VPS13A: variants seen among roughly 807,000 people sequenced by gnomAD.
The protein encoded by VPS13A is vacuolar protein sorting 13 homolog A.
A neutral mutation model predicts 390.9 loss-of-function variants in VPS13A; 264 were observed. The ratio of observed to expected loss-of-function variants is 0.68; its 90% CI spans 0.61 to 0.75. The LOEUF is 0.75. VPS13A is among the 30% of genes least tolerant of loss of function. VPS13A has a pLI of 0.00. For missense variants in VPS13A, 3,409 were observed against 3,733.9 expected (o/e 0.91, Z 2.27); for synonymous variants, 1,231 against 1,227.1 (o/e 1.00, Z -0.07).
intron 68 of VPS13A, chr9:77,384,750 T>G: frequency 1.3e-6 from 2 of 1,543,348 alleles, no homozygotes; most frequent in Non-Finnish European, 1.7e-6. Flanking sequence ...TATACCATAA[T>G]GCCCATATGT....
Position 77,209,508 on chromosome 9 carries a change from T to C in VPS13A, c.471T>C (p.Ser157=), listed in dbSNP as rs772957048. 3.7e-6 allele frequency: 6 copies of C among 1,603,022 alleles called. No homozygotes were observed. The highest frequency in any genetic ancestry group is 5.1e-6 in the Non-Finnish European group (6 of 1,170,794). The change falls in exon 6 of 72, where the codon AGT becomes AGC. Residue 157 remains serine, a synonymous_variant. Transcript: ENST00000360280. ...AAAATCTTCAGGTGAAAATTTCCAG[T>C]ATCCATATTCGTTATGAAGATGATG... The part of the protein sequence containing the change: ...IIKNLQVKIS[S]IHIRYEDDIT...
At chr9:77,205,430 T>G in intron 4 of VPS13A, 22 bp downstream of exon 4, 1 of 1,175,838 alleles carries the variant, frequency 8.5e-7, no homozygotes. Context: ...TTAAAAAAAT[T>G]ATAATTTAAG....
At chr9:77,265,560 C>T (rs1384505465) in intron 23 of VPS13A, among the ~76,000 whole-genome samples, 1 of 152,138 alleles carries the variant, frequency 6.6e-6, no homozygotes, top group Non-Finnish European at 1.5e-5. Flanking sequence ...TCCATTTCTT[C>T]TAGATTTTTG....
At chr9:77,410,597 A>G (rs1253819940) in intron 71 of VPS13A, among the ~76,000 whole-genome samples, 1 of 152,226 alleles carries the variant, frequency 6.6e-6, no homozygotes, top group Non-Finnish European at 1.5e-5. Flanking sequence ...GGATGGAGGA[A>G]GATCTACCAA....
chr9:77,312,637 G>A (rs192164350), intron 35 of VPS13A, among the ~76,000 whole-genome samples: 22 of 152,052 alleles, frequency 1.4e-4, no homozygotes, highest in Admixed American at 1.1e-3. Context: ...GGATGGTCTC[G>A]ATCGCCTGAC....
chr9:77,417,553 A>G lies in VPS13A; in HGVS notation c.*1547A>G, dbSNP rs1284306279. 1 of 152,178 alleles carries G rather than the reference A, an allele frequency of 6.6e-6. No individual in the cohort carries two copies. Among genetic ancestry groups the G allele is most frequent in the East Asian group, 1.9e-4 (1 of 5,198 alleles). The allele number at this position is 152,178 out of a possible 1,614,324, so 9.4% of individuals were successfully genotyped here. A position where few individuals can be genotyped will look rare whatever the true frequency, so the allele number is the denominator to read the frequency against. ...CATGTTGACCTTTGTTTAAAAAAAA[A>G]AAAAAGTGCTTATTTTCTCTGTCGC... On this transcript the variant is annotated 3_prime_UTR_variant, in exon 72 of 72. Coordinates refer to ENST00000360280, the MANE Select transcript of VPS13A (RefSeq NM_033305.3).
intron 52 of VPS13A, among the ~76,000 whole-genome samples, chr9:77,346,792 A>G (rs1831181312): frequency 6.6e-6 from 1 of 152,214 alleles, no homozygotes; most frequent in African/African-American, 2.4e-5. Context: ...AAAGTACCAG[A>G]AAGAAGACTG....
At chr9:77,284,686 T>G (rs1238978309) in intron 31 of VPS13A, among the ~76,000 whole-genome samples, 1 of 152,092 alleles carries the variant, frequency 6.6e-6, no homozygotes, top group Non-Finnish European at 1.5e-5. Context: ...GATTTTTTTC[T>G]CTGTAATTTT....
rs777358325 is a variant in VPS13A at position 77,295,851 on chromosome 9, G to A, written c.3812+5G>A. The A allele has an allele frequency of 2.5e-6, 4 of 1,612,956 alleles. No homozygotes were observed. The East Asian group carries it at 8.9e-5, about 36-fold the overall frequency. ...GAGTGAAATGCGACTATACAGGTAA[G>A]CTTTTCACAAGTATATTTGTGTGGA... On this transcript the variant is annotated splice_donor_5th_base_variant and intron_variant, in intron 33 of 71. Coordinates refer to ENST00000360280, the MANE Select transcript of VPS13A (RefSeq NM_033305.3).
At chr9:77,330,166 C>T (rs529279320) in intron 45 of VPS13A, among the ~76,000 whole-genome samples, 1 of 151,662 alleles carries the variant, frequency 6.6e-6, no homozygotes, top group South Asian at 2.1e-4. Context: ...CATGTCTGCA[C>T]CACCATACCT....
intron 13 of VPS13A, among the ~76,000 whole-genome samples, chr9:77,225,634 A>G (rs1405894123): frequency 6.6e-6 from 1 of 152,196 alleles, no homozygotes; most frequent in African/African-American, 2.4e-5. Flanking sequence ...TAAACAATGC[A>G]TGTACATATT....
At chr9:77,370,185 A>T (rs1163720144) in intron 63 of VPS13A, 72 bp from the exon 64 acceptor site, 9 of 1,540,290 alleles carry the variant, frequency 5.8e-6, no homozygotes, top group East Asian at 2.3e-5. Flanking sequence ...CTTTCGTCGT[A>T]TATATCCGTA....
At chr9:77,296,885 A>C (rs889785840) in intron 33 of VPS13A, among the ~76,000 whole-genome samples, 9 of 152,054 alleles carry the variant, frequency 5.9e-5, no homozygotes, top group African/African-American at 1.9e-4. Context: ...ATCCTCCCTA[A>C]TTTCTTAAAA....
Position 77,351,307 on chromosome 9 carries a change from A to C in VPS13A, c.7290-10A>C, listed in dbSNP as rs777376932. ...ATTTAATTTAACGCGTATTTTTGCTACTGTGTCAGTTCTCTCAGTGAAATA... is the reference window on the plus strand; with the variant it reads ...ATTTAATTTAACGCGTATTTTTGCTCCTGTGTCAGTTCTCTCAGTGAAATA... On this transcript the variant is annotated splice_polypyrimidine_tract_variant and intron_variant, in intron 52 of 71. Transcript: ENST00000360280. 3 of 1,612,692 alleles carry C rather than the reference A, an allele frequency of 1.9e-6. No homozygotes were observed. Among genetic ancestry groups the C allele is most frequent in the Non-Finnish European group, 2.5e-6 (3 of 1,179,186 alleles).
intron 16 of VPS13A, 89 bp downstream of exon 16, chr9:77,227,574 C>A: frequency 9.7e-7 from 1 of 1,033,920 alleles, no homozygotes; most frequent in Non-Finnish European, 1.4e-6. Context: ...CCAGGCTGGA[C>A]TGCAGTGGTG....
chr9:77,360,645 A>G lies in VPS13A; in HGVS notation c.8211+4A>G. On this transcript the variant is annotated splice_donor_region_variant and intron_variant, in intron 59 of 71. Transcript: ENST00000360280. Reference sequence around the variant, plus strand: ...TGAGGTGACTGAAAATACAGAGGTAAGACTTAAAATAATAACATTTGATGG... The same window carrying G: ...TGAGGTGACTGAAAATACAGAGGTAGGACTTAAAATAATAACATTTGATGG... 1.3e-6 allele frequency: 2 copies of G among 1,590,892 alleles called. No individual in the cohort carries two copies. Among genetic ancestry groups the G allele is most frequent in the African/African-American group, 1.3e-5 (1 of 74,524 alleles).
intron 68 of VPS13A, among the ~76,000 whole-genome samples, chr9:77,388,903 A>G (rs1833796540): frequency 6.6e-6 from 1 of 152,184 alleles, no homozygotes; most frequent in South Asian, 2.1e-4. Flanking sequence ...ACAGACCTGC[A>G]TTTCTAGGGA....
At chr9:77,184,971 T>C (rs558256774) in intron 1 of VPS13A, among the ~76,000 whole-genome samples, 1 of 152,266 alleles carries the variant, frequency 6.6e-6, no homozygotes, top group East Asian at 1.9e-4. Context: ...AGTATTTCCC[T>C]GAGTTTTGTG....
chr9:77,256,420 G>T (rs1249586455), intron 22 of VPS13A, among the ~76,000 whole-genome samples: 1 of 151,970 alleles, frequency 6.6e-6, no homozygotes, highest in African/African-American at 2.4e-5. Context: ...CGTATAATCT[G>T]TCCTGGAGAA....
Sources: gnomAD v4.1 joint callset for allele counts (sites outside exome capture counted in the v4.1 genomes callset) on GRCh38, gnomAD v4.1.1 for gene constraint, MANE v1.5 for transcripts, NCBI Gene and HGNC (gene_info 2026-07-23, HGNC 2026-07-21) for gene names.